Variants in DPP10 observed in about 807,000 individuals in gnomAD.
DPP10 encodes dipeptidyl peptidase like 10, also known as inactive dipeptidyl peptidase 10.
Under a neutral mutation model 120.9 loss-of-function variants are expected in DPP10, and 33 were observed. The observed-to-expected ratio is 0.27, with a 90% confidence interval of 0.21 to 0.37. The LOEUF (loss-of-function observed/expected upper bound fraction) is 0.37. DPP10 is among the 10% of genes least tolerant of loss of function. The pLI, the probability that DPP10 is intolerant of heterozygous loss-of-function variation, is 1.00. For missense variants in DPP10, 816 were observed against 942.8 expected, an observed-to-expected ratio of 0.87 and a Z score of 1.76; for synonymous variants, 337 against 326.1, an observed-to-expected ratio of 1.03 and a Z score of -0.36.
At chr2:115,288,726 AAAAG>A (rs1351960530) in intron 1 of DPP10, among the ~76,000 whole-genome samples, 1 of 151,906 alleles carries the variant, frequency 6.6e-6, no homozygotes, top group African/African-American at 2.4e-5. Context: ...CCTCAAAACA[AAAAG>A]AAAAGAAAAG....
At chr2:115,642,780 G>A (rs2086892469) in intron 5 of DPP10, among the ~76,000 whole-genome samples, 1 of 151,698 alleles carries the variant, frequency 6.6e-6, no homozygotes, top group Non-Finnish European at 1.5e-5. Flanking sequence ...CTGTTTCTCT[G>A]GAGCATTCTG....
At chr2:115,159,720 A>T (rs78608356) in intron 1 of DPP10, among the ~76,000 whole-genome samples, 1 of 152,336 alleles carries the variant, frequency 6.6e-6, no homozygotes, top group East Asian at 1.9e-4. Context: ...AAATAAAAAA[A>T]TTCACGCACA....
chr2:115,335,218 C>T (rs968915884), intron 2 of DPP10, among the ~76,000 whole-genome samples: 11 of 151,940 alleles, frequency 7.2e-5, no homozygotes, highest in Non-Finnish European at 1.6e-4. Context: ...ATTTCAGTCA[C>T]CTCCCACTGG....
At chr2:115,503,424 G>T (rs1456263366) in intron 4 of DPP10, among the ~76,000 whole-genome samples, 2 of 152,086 alleles carry the variant, frequency 1.3e-5, no homozygotes, top group African/African-American at 4.8e-5. Flanking sequence ...TTCAGTTTGT[G>T]TTTGAGTAAA....
At chr2:115,090,854 T>C (rs1380792252) in intron 1 of DPP10, among the ~76,000 whole-genome samples, 1 of 152,086 alleles carries the variant, frequency 6.6e-6, no homozygotes, top group East Asian at 1.9e-4. Flanking sequence ...AGGGGAGGGT[T>C]ATCTCAGGGC....
chr2:115,272,107 G>A (rs756737145), intron 1 of DPP10, among the ~76,000 whole-genome samples: 1 of 152,054 alleles, frequency 6.6e-6, no homozygotes, highest in Non-Finnish European at 1.5e-5. Flanking sequence ...TAGCTTCTCA[G>A]ATAAATTGTT....
intron 3 of DPP10, among the ~76,000 whole-genome samples, chr2:115,420,002 G>A (rs1001489693): frequency 2.0e-5 from 3 of 152,106 alleles, no homozygotes; most frequent in Non-Finnish European, 4.4e-5. Flanking sequence ...GAAAAAATGT[G>A]TTATGGAAGT....
intron 1 of DPP10, among the ~76,000 whole-genome samples, chr2:114,558,290 C>G (rs977811467): frequency 1.4e-4 from 21 of 152,320 alleles, no homozygotes; most frequent in African/African-American, 4.8e-4. Context: ...CATCAAAATT[C>G]ATGACTCTCT....
At chr2:115,035,212 C>T (rs1704144717) in intron 1 of DPP10, among the ~76,000 whole-genome samples, 1 of 152,130 alleles carries the variant, frequency 6.6e-6, no homozygotes, top group South Asian at 2.1e-4. Context: ...CCTATTAAAA[C>T]TTTTAACTGT....
At chr2:114,816,023 A>G (rs1269366898) in intron 1 of DPP10, among the ~76,000 whole-genome samples, 11 of 152,096 alleles carry the variant, frequency 7.2e-5, no homozygotes, top group Admixed American at 7.2e-4. Context: ...GTAAATATAG[A>G]TCATGTTACT....
chr2:115,118,287 T>C (rs2049631434), intron 1 of DPP10, among the ~76,000 whole-genome samples: 2 of 152,220 alleles, frequency 1.3e-5, no homozygotes, highest in African/African-American at 4.8e-5. Flanking sequence ...ATCTTTTACC[T>C]AGACCATTTA....
At chr2:114,834,908 C>T (rs1687562532) in intron 1 of DPP10, among the ~76,000 whole-genome samples, 1 of 147,736 alleles carries the variant, frequency 6.8e-6, no homozygotes, top group African/African-American at 2.7e-5. Context: ...GCCATATCTA[C>T]ACACCTATGT....
At chr2:115,788,054 G>A (rs1162728875) in intron 17 of DPP10, among the ~76,000 whole-genome samples, 4 of 152,212 alleles carry the variant, frequency 2.6e-5, no homozygotes, top group Admixed American at 6.5e-5. Flanking sequence ...AAGTGAGAAC[G>A]TTCTGTCATC....
chr2:114,594,440 T>A, intron 1 of DPP10, among the ~76,000 whole-genome samples: 1 of 148,280 alleles, frequency 6.7e-6, no homozygotes, highest in Admixed American at 6.8e-5. Context: ...AAAAGGGAGC[T>A]TATATGTGAA....
chr2:114,551,108 C>G (rs1687849614), intron 1 of DPP10, among the ~76,000 whole-genome samples: 1 of 152,178 alleles, frequency 6.6e-6, no homozygotes, highest in South Asian at 2.1e-4. Context: ...TCATTTTTTT[C>G]TAAGCTCATT....
intron 1 of DPP10, among the ~76,000 whole-genome samples, chr2:114,742,887 G>A (rs184371317): frequency 7.7e-4 from 118 of 152,284 alleles, no homozygotes; most frequent in African/African-American, 2.6e-3. Context: ...AGGCAAACGA[G>A]GCATTTTTAA....
At chr2:115,078,755 A>G (rs981446597) in intron 1 of DPP10, among the ~76,000 whole-genome samples, 1 of 152,312 alleles carries the variant, frequency 6.6e-6, no homozygotes, top group East Asian at 1.9e-4. Context: ...TCAAAGTGCA[A>G]ACTTGATTTT....
At chr2:114,960,385 T>TATATATATAC (rs1015822193) in intron 1 of DPP10, among the ~76,000 whole-genome samples, 1 of 150,030 alleles carries the variant, frequency 6.7e-6, no homozygotes, top group African/African-American at 2.4e-5. Flanking sequence ...TATATATATA[T>TATATATATAC]ACTTTTGTTG....
intron 5 of DPP10, among the ~76,000 whole-genome samples, chr2:115,664,808 T>A (rs992283802): frequency 6.6e-6 from 1 of 152,214 alleles, no homozygotes; most frequent in Non-Finnish European, 1.5e-5. Context: ...CTTTCCATCC[T>A]AATCTTAAAA....
Sources: gnomAD v4.1 joint callset for allele counts (sites outside exome capture counted in the v4.1 genomes callset) on GRCh38, gnomAD v4.1.1 for gene constraint, MANE v1.5 for transcripts, NCBI Gene and HGNC (gene_info 2026-07-23, HGNC 2026-07-21) for gene names.